TRIQK: variants seen among roughly 807,000 people sequenced by gnomAD.
TRIQK encodes triple QxxK/R motif containing, also known as triple QxxK/R motif-containing protein.
In TRIQK, 10 loss-of-function variants were observed where a neutral mutation model predicts 10.8. That is an observed-to-expected ratio of 0.92 (90% confidence interval 0.57 to 1.57). The LOEUF is 1.57. Among genes scored for constraint, TRIQK ranks in the 40% most tolerant of loss-of-function variants. TRIQK has a pLI of 0.00. For missense variants in TRIQK, 107 were observed against 97.7 expected, an observed-to-expected ratio of 1.09 and a Z score of -0.40; for synonymous variants, 33 against 33.7, an observed-to-expected ratio of 0.98 and a Z score of 0.07.
intron 1 of TRIQK, among the ~76,000 whole-genome samples, chr8:93,013,110 G>T (rs1251020200): frequency 6.6e-6 from 1 of 152,114 alleles, no homozygotes; most frequent in Non-Finnish European, 1.5e-5. Context: ...CAATGAGAAG[G>T]TTTCTAAGAC....
At chr8:92,926,857 T>C (rs745737444) in intron 2 of TRIQK, among the ~76,000 whole-genome samples, 22 of 152,078 alleles carry the variant, frequency 1.4e-4, no homozygotes, top group Non-Finnish European at 2.6e-4. Flanking sequence ...AGAGCTGGAA[T>C]TAATGCTGTG....
chr8:92,941,052 G>A (rs570161991), intron 2 of TRIQK: 5 of 152,038 alleles, frequency 3.3e-5, no homozygotes, highest in African/African-American at 1.2e-4. Context: ...GAAATTAAAA[G>A]GGAAATTTAT....
At chr8:92,908,094 T>C (rs1365031892) in intron 3 of TRIQK, among the ~76,000 whole-genome samples, 4 of 152,134 alleles carry the variant, frequency 2.6e-5, no homozygotes, top group Non-Finnish European at 5.9e-5. Flanking sequence ...CAAAATAGAT[T>C]ACTTTACTGC....
At chr8:92,955,175 AAATTTAAGTAT>A (rs1812106852) in intron 1 of TRIQK, among the ~76,000 whole-genome samples, 1 of 151,856 alleles carries the variant, frequency 6.6e-6, no homozygotes, top group South Asian at 2.1e-4. Flanking sequence ...TAAGAGTATA[AAATTTAAGTAT>A]TTCCAAACTG....
At chr8:92,936,887 T>A (rs1366605718) in intron 2 of TRIQK, among the ~76,000 whole-genome samples, 1 of 151,760 alleles carries the variant, frequency 6.6e-6, no homozygotes, top group African/African-American at 2.4e-5. Context: ...TACTATGGAA[T>A]ACCTCTAAAA....
At chr8:93,011,451 T>C (rs1011867350) in intron 1 of TRIQK, among the ~76,000 whole-genome samples, 1 of 152,016 alleles carries the variant, frequency 6.6e-6, no homozygotes, top group African/African-American at 2.4e-5. Context: ...GATGGAAAAA[T>C]TGGTGGTGGT....
At chr8:92,895,199 C>T (rs1721331854) in intron 3 of TRIQK, among the ~76,000 whole-genome samples, 1 of 152,210 alleles carries the variant, frequency 6.6e-6, no homozygotes, top group Admixed American at 6.5e-5. Flanking sequence ...AATGCATTCA[C>T]AAGGCCCTTG....
At chr8:93,010,606 T>C (rs998049067) in intron 1 of TRIQK, among the ~76,000 whole-genome samples, 1 of 152,164 alleles carries the variant, frequency 6.6e-6, no homozygotes, top group African/African-American at 2.4e-5. Context: ...TTAAATACTT[T>C]TATAAGAATA....
intron 1 of TRIQK, among the ~76,000 whole-genome samples, chr8:93,002,862 G>A (rs757138728): frequency 2.6e-5 from 4 of 151,700 alleles, no homozygotes; most frequent in Non-Finnish European, 5.9e-5. Context: ...AGAGGTTGCA[G>A]TGACCCGAGA....
chr8:92,960,545 C>T (rs1315905551), intron 1 of TRIQK: 1 of 152,136 alleles, frequency 6.6e-6, no homozygotes, highest in Non-Finnish European at 1.5e-5. Flanking sequence ...CAATGAAGAA[C>T]CTCAAAATGG....
Position 92,891,982 on chromosome 8 carries a change from G to GGTTT in TRIQK, c.147+3_147+6dup. ...TCAAATTTTAAAGTTATCAAATAGA[G>GGTTT]GTTTACCTTTATGCCTATTGCTGTT... is the stretch of plus-strand genomic sequence containing the variant. On this transcript the variant is annotated splice_region_variant and intron_variant, in intron 4 of 4. Coordinates refer to ENST00000521988, the MANE Select transcript of TRIQK (RefSeq NM_001171797.2). The GGTTT allele has an allele frequency of 6.6e-7, 1 of 1,526,338 alleles. No individual in the cohort carries two copies. The highest frequency in any genetic ancestry group is 2.5e-5 in the East Asian group (1 of 40,528). The allele number at this position is 1,526,338 out of a possible 1,614,324, so 94.5% of individuals were successfully genotyped here.
At chr8:92,992,409 T>G (rs1240003946) in intron 1 of TRIQK, among the ~76,000 whole-genome samples, 1 of 152,116 alleles carries the variant, frequency 6.6e-6, no homozygotes, top group Non-Finnish European at 1.5e-5. Flanking sequence ...AGTCTACCAC[T>G]GGACAGTGCC....
intron 1 of TRIQK, among the ~76,000 whole-genome samples, chr8:92,981,950 T>C (rs1352741429): frequency 6.6e-6 from 1 of 151,812 alleles, no homozygotes; most frequent in Non-Finnish European, 1.5e-5. Context: ...AGTGTGCCAC[T>C]GTAGCATTTT....
intron 1 of TRIQK, among the ~76,000 whole-genome samples, chr8:92,995,486 T>C (rs1813144223): frequency 6.6e-6 from 1 of 152,032 alleles, no homozygotes; most frequent in East Asian, 1.9e-4. Flanking sequence ...TCCATTTTTT[T>C]CTTTTAACTT....
At chr8:92,949,696 GAA>G (rs1811745270) in intron 2 of TRIQK, among the ~76,000 whole-genome samples, 2 of 53,304 alleles carry the variant, frequency 3.8e-5, no homozygotes, top group Non-Finnish European at 6.5e-5. Context: ...AAGAAAGAAA[GAA>G]AAGAGAAAGG....
chr8:92,906,653 C>T (rs1396832035), intron 3 of TRIQK, among the ~76,000 whole-genome samples: 1 of 151,430 alleles, frequency 6.6e-6, no homozygotes, highest in East Asian at 1.9e-4. Context: ...ACATTTCTTC[C>T]TCTTCCTTTA....
chr8:93,016,446 T>C (rs1813384632), intron 1 of TRIQK, among the ~76,000 whole-genome samples: 1 of 152,228 alleles, frequency 6.6e-6, no homozygotes. Context: ...TCTAATCTAG[T>C]CTTGGAGAAA....
intron 3 of TRIQK, among the ~76,000 whole-genome samples, chr8:92,901,832 C>T (rs1466007284): frequency 2.0e-5 from 3 of 151,948 alleles, no homozygotes; most frequent in South Asian, 2.1e-4. Context: ...ATTTCTTCCT[C>T]GAATGTTTGG....
intron 1 of TRIQK, among the ~76,000 whole-genome samples, chr8:92,996,637 C>T (rs1187949229): frequency 6.6e-6 from 1 of 151,830 alleles, no homozygotes; most frequent in Non-Finnish European, 1.5e-5. Flanking sequence ...TACTGGTTAT[C>T]TATTAATATT....
Sources: gnomAD v4.1 joint callset for allele counts (sites outside exome capture counted in the v4.1 genomes callset) on GRCh38, gnomAD v4.1.1 for gene constraint, MANE v1.5 for transcripts, NCBI Gene and HGNC (gene_info 2026-07-23, HGNC 2026-07-21) for gene names.